Variants in HNRNPUL1 observed in about 807,000 individuals in gnomAD.
HNRNPUL1 encodes the protein heterogeneous nuclear ribonucleoprotein U like 1.
A neutral mutation model predicts 108.5 loss-of-function variants in HNRNPUL1; 14 were observed. The ratio of observed to expected loss-of-function variants is 0.13; its 90% CI spans 0.09 to 0.20. The LOEUF (loss-of-function observed/expected upper bound fraction) is 0.20, where lower values mean the gene tolerates loss of function less well. Among genes scored for constraint, HNRNPUL1 ranks in the 10% least tolerant of loss-of-function variants. The pLI, the probability that HNRNPUL1 is intolerant of heterozygous loss-of-function variation, is 1.00. For missense variants in HNRNPUL1, 804 were observed against 1,168.3 expected (o/e 0.69, Z 4.55); for synonymous variants, 422 against 445.2 (o/e 0.95, Z 0.66).
At position 41,269,494 on chromosome 19, in the gene HNRNPUL1, A is replaced by C. The variant is rs1478371717; in HGVS notation, c.418+1149A>C. Among the ~76,000 whole-genome samples the C allele has an allele frequency of 2.6e-5, 4 of 151,480 alleles. No individual in the cohort carries two copies. The East Asian group carries it at 5.8e-4, about 22-fold the overall frequency. On this transcript the variant is annotated intron_variant, in intron 2 of 14. Coordinates refer to ENST00000392006, the MANE Select transcript of HNRNPUL1 (RefSeq NM_007040.6). The stretch of plus-strand genomic sequence containing the variant: ...GACCCTGTCACGAAAAAAAAAAAAA[A>C]AAAAAAAAACCTAAAATTAAAAGTA...
chr19:41,269,824 A>G (rs1172032163), intron 2 of HNRNPUL1, among the ~76,000 whole-genome samples: 2 of 152,078 alleles, frequency 1.3e-5, no homozygotes, highest in Non-Finnish European at 2.9e-5. Context: ...GCCGAGTGCG[A>G]TGGCTGTTAC....
intron 7 of HNRNPUL1, among the ~76,000 whole-genome samples, chr19:41,282,553 C>T (rs1008586192): frequency 1.3e-5 from 2 of 152,080 alleles, no homozygotes; most frequent in Non-Finnish European, 2.9e-5. Context: ...TCTCACAGGG[C>T]CTTATCCAGA....
At chr19:41,272,707 C>G (rs991031810) in intron 3 of HNRNPUL1, among the ~76,000 whole-genome samples, 3 of 152,264 alleles carry the variant, frequency 2.0e-5, no homozygotes, top group African/African-American at 4.8e-5. Context: ...TTCTGTTGTT[C>G]CAGTGTGGGG....
chr19:41,276,463 C>T, intron 5 of HNRNPUL1, 165 bp downstream of exon 5: 1 of 644,744 alleles, frequency 1.6e-6, no homozygotes, highest in Non-Finnish European at 2.5e-6. Flanking sequence ...TACATCATTG[C>T]TAAATATCAT....
intron 7 of HNRNPUL1, among the ~76,000 whole-genome samples, chr19:41,287,817 C>T (rs1381778042): frequency 3.9e-5 from 6 of 152,180 alleles, no homozygotes; most frequent in Non-Finnish European, 5.9e-5. Flanking sequence ...GCCTCAGCCT[C>T]CCAAAGTGCT....
At position 41,294,131 on chromosome 19, in the gene HNRNPUL1, C is replaced by T. The variant is rs928691522; in HGVS notation, c.1267-207C>T. The stretch of plus-strand genomic sequence containing the variant: ...CCTGGCCAGCACTTGACTTAATGCT[C>T]ACCCTGTCCCAGGCACTGTGCTCAG... On this transcript the variant is annotated intron_variant, in intron 8 of 14. Transcript: ENST00000392006. The surrounding 1 kb of genome is among the most constrained non-coding windows in gnomAD (Gnocchi z 4.3). 3.3e-5 allele frequency among the ~76,000 whole-genome samples: 5 copies of T among 152,314 alleles called. No individual in the cohort carries two copies. Among genetic ancestry groups the T allele is most frequent in the Middle Eastern group, 6.8e-3 (2 of 294 alleles).
intron 10 of HNRNPUL1, among the ~76,000 whole-genome samples, chr19:41,299,416 C>G (rs1038924992): frequency 6.6e-6 from 1 of 152,176 alleles, no homozygotes; most frequent in African/African-American, 2.4e-5. Context: ...CATCCAGCAC[C>G]CTGTTCCTAT....
chr19:41,288,385 C>T (rs778576027), intron 7 of HNRNPUL1, among the ~76,000 whole-genome samples: 16 of 152,020 alleles, frequency 1.1e-4, no homozygotes, highest in Non-Finnish European at 2.1e-4. Flanking sequence ...GCTGGGATTA[C>T]AGGCATGCGC....
intron 7 of HNRNPUL1, among the ~76,000 whole-genome samples, chr19:41,284,029 G>A (rs887140055): frequency 2.0e-5 from 3 of 152,132 alleles, no homozygotes; most frequent in Non-Finnish European, 4.4e-5. Context: ...AGTTCTTTTC[G>A]GTAAATTGTG....
rs2036800007 is a variant in HNRNPUL1 at position 41,294,940 on chromosome 19, A to G, written c.1518+254A>G. On this transcript the variant is annotated intron_variant, in intron 10 of 14. Transcript: ENST00000392006. The surrounding 1 kb of genome is among the most constrained non-coding windows in gnomAD (Gnocchi z 4.3). The stretch of plus-strand genomic sequence containing the variant: ...GAACATCAGGTAAGAACTGTTTAGC[A>G]AAATGGAAGGAGTATGGATTTCCAA... Among the ~76,000 whole-genome samples the G allele has an allele frequency of 1.3e-5, 2 of 152,206 alleles. No individual in the cohort carries two copies. Among genetic ancestry groups the G allele is most frequent in the Admixed American group, 1.3e-4 (2 of 15,282 alleles).
chr19:41,283,790 A>C (rs2036048216), intron 7 of HNRNPUL1, among the ~76,000 whole-genome samples: 1 of 152,030 alleles, frequency 6.6e-6, no homozygotes, highest in Admixed American at 6.6e-5. Flanking sequence ...ATGGGGTTTC[A>C]CCGTGTTGGC....
intron 6 of HNRNPUL1, among the ~76,000 whole-genome samples, chr19:41,279,962 C>T (rs2035808906): frequency 6.6e-6 from 1 of 152,150 alleles, no homozygotes; most frequent in South Asian, 2.1e-4. Context: ...TAAATAACTG[C>T]AGCTTTTTGA....
chr19:41,279,591 C>T (rs1225268435), intron 6 of HNRNPUL1, among the ~76,000 whole-genome samples: 1 of 152,128 alleles, frequency 6.6e-6, no homozygotes, highest in Non-Finnish European at 1.5e-5. Flanking sequence ...GAGGCCAGGG[C>T]TAGTTGGGAG....
intron 7 of HNRNPUL1, among the ~76,000 whole-genome samples, chr19:41,290,125 G>A (rs2036498286): frequency 1.3e-5 from 2 of 152,136 alleles, no homozygotes; most frequent in South Asian, 2.1e-4. Context: ...CTCCTCAAGG[G>A]AGGGTGCTTC....
chr19:41,279,883 T>A (rs2035803998), intron 6 of HNRNPUL1, among the ~76,000 whole-genome samples: 1 of 152,378 alleles, frequency 6.6e-6, no homozygotes, highest in Admixed American at 6.5e-5. Context: ...TTTTTGTACA[T>A]CTTTAAACTG....
intron 7 of HNRNPUL1, among the ~76,000 whole-genome samples, chr19:41,287,933 C>A (rs1371541127): frequency 6.6e-6 from 1 of 152,102 alleles, no homozygotes; most frequent in East Asian, 1.9e-4. Flanking sequence ...CGGTTTTAAA[C>A]CTTGCATTTT....
rs772379582 is a variant in HNRNPUL1 at position 41,304,067 on chromosome 19, C to T, written c.2068C>T (p.Arg690Trp). The change falls in exon 13 of 15, where the codon CGG becomes TGG. Residue 690 changes from arginine (R) to tryptophan (W), a missense_variant. By Grantham distance (101) the Arg-to-Trp change is moderately radical. Coordinates refer to ENST00000392006, the MANE Select transcript of HNRNPUL1 (RefSeq NM_007040.6). ...NNSNNRGSYN[R>W]APQQQPPPQQ... ...CTCCAACAACAGAGGCAGCTACAAC[C>T]GGGCTCCCCAGCAACAGCCGCCACC... 2.1e-5 allele frequency: 34 copies of T among 1,613,360 alleles called. No individual in the cohort carries two copies. Among genetic ancestry groups the T allele is most frequent in the Non-Finnish European group, 2.7e-5 (32 of 1,179,308 alleles).
chr19:41,276,444 CAA>C (rs962885789), intron 5 of HNRNPUL1, 146 bp downstream of exon 5: 6 of 780,592 alleles, frequency 7.7e-6, no homozygotes, highest in South Asian at 2.2e-5. Context: ...GTGATGAACT[CAA>C]GACAACTACA....
chr19:41,295,941 C>G (rs1213973923), intron 10 of HNRNPUL1, among the ~76,000 whole-genome samples: 1 of 152,178 alleles, frequency 6.6e-6, no homozygotes, highest in Admixed American at 6.5e-5. Context: ...GTGTTCTCTC[C>G]GCTTTGAAGA....
Sources: allele counts gnomAD v4.1 joint callset (sites outside exome capture counted in the v4.1 genomes callset), GRCh38; gene constraint gnomAD v4.1.1; non-coding constraint Gnocchi (gnomAD v3.1); transcripts MANE v1.5; gene names NCBI Gene and HGNC (gene_info 2026-07-23, HGNC 2026-07-21).